MTA1: variants seen among roughly 807,000 people sequenced by gnomAD.
MTA1 encodes the protein metastasis associated 1, also known as metastasis-associated protein MTA1.
Under a neutral mutation model 97.0 loss-of-function variants are expected in MTA1, and 15 were observed. That is an observed-to-expected ratio of 0.15 (90% CI 0.10 to 0.24). MTA1 has a LOEUF of 0.24. Among genes scored for constraint, MTA1 ranks in the 10% least tolerant of loss-of-function variants. MTA1 has a pLI of 1.00. For missense variants in MTA1, 709 were observed against 1,015.1 expected (o/e 0.70, Z 4.10); for synonymous variants, 435 against 417.5 (o/e 1.04, Z -0.51).
At chr14:105,447,401 A>G (rs1321171861) in intron 3 of MTA1, among the ~76,000 whole-genome samples, 1 of 152,130 alleles carries the variant, frequency 6.6e-6, no homozygotes, top group Non-Finnish European at 1.5e-5. Flanking sequence ...GAGAGCCTGT[A>G]TCAGTGGTTT....
At chr14:105,466,179 T>C in intron 16 of MTA1, 2 of 558,768 alleles carry the variant, frequency 3.6e-6, no homozygotes, top group East Asian at 6.2e-5. Flanking sequence ...CCAGGTGGTC[T>C]CCCTGCTCTC....
chr14:105,424,095 A>T lies in MTA1; in HGVS notation c.28+4032A>T, dbSNP rs2081936039. On this transcript the variant is annotated intron_variant, in intron 1 of 20. Transcript: ENST00000331320. This position sits in a 1 kb window ranked among gnomAD's most constrained non-coding sequence, Gnocchi z 4.0. Reference sequence around the variant, plus strand: ...GGGCTGTCCCACTTGGCCTGTGAGGATCGGCCTCAGCACTGCGCCATTGGC... The same window carrying T: ...GGGCTGTCCCACTTGGCCTGTGAGGTTCGGCCTCAGCACTGCGCCATTGGC... Among the ~76,000 whole-genome samples, 2 of 152,242 alleles carry T rather than the reference A, an allele frequency of 1.3e-5. No individual in the cohort carries two copies. The highest frequency in any genetic ancestry group is 4.8e-5 in the African/African-American group (2 of 41,468).
At chr14:105,435,269 T>G (rs587752880) in intron 1 of MTA1, among the ~76,000 whole-genome samples, 1 of 152,126 alleles carries the variant, frequency 6.6e-6, no homozygotes, top group Non-Finnish European at 1.5e-5. Flanking sequence ...GCTACACTGG[T>G]TTTTGAATGT....
intron 15 of MTA1, 23 bp from the exon 16 acceptor site, chr14:105,465,071 T>G (rs904959354): frequency 6.7e-7 from 1 of 1,491,722 alleles, no homozygotes; most frequent in Admixed American, 2.2e-5. Context: ...GCCCCACCCC[T>G]CACACCGTGT....
Position 105,463,588 on chromosome 14 carries a change from C to A in MTA1, c.1076+37C>A. The stretch of plus-strand genomic sequence containing the variant: ...CTCACAGCCGTCGTCCTCGTGGCCC[C>A]GGGGGCCAGGGAGGGTGGGCACAGG... On this transcript the variant is annotated intron_variant, in intron 12 of 20. Coordinates refer to ENST00000331320, the MANE Select transcript of MTA1 (RefSeq NM_004689.4). This position sits in a 1 kb window ranked among gnomAD's most constrained non-coding sequence, Gnocchi z 5.9. 1 of 1,605,502 alleles carries A rather than the reference C, an allele frequency of 6.2e-7. No homozygotes were observed. Among genetic ancestry groups the A allele is most frequent in the Non-Finnish European group, 8.5e-7 (1 of 1,173,590 alleles).
In MTA1 at chr14:105,424,344, C is replaced by T. The variant is rs149047099; in HGVS notation, c.28+4281C>T. ...AAGTAGCTGGGACTACAGGCGCCCG[C>T]CACCATGCCTGGCTAATGTTTTGTA... On this transcript the variant is annotated intron_variant, in intron 1 of 20. Coordinates refer to ENST00000331320, the MANE Select transcript of MTA1 (RefSeq NM_004689.4). This position sits in a 1 kb window ranked among gnomAD's most constrained non-coding sequence, Gnocchi z 4.0. Among the ~76,000 whole-genome samples, 3,418 of 152,262 alleles carry T rather than the reference C, an allele frequency of 0.022. 138 individuals carry two copies. Among genetic ancestry groups the T allele is most frequent in the African/African-American group, 0.077 (3,207 of 41,548 alleles).
chr14:105,434,272 A>G (rs2082265797), intron 1 of MTA1, among the ~76,000 whole-genome samples: 1 of 152,038 alleles, frequency 6.6e-6, no homozygotes, highest in Non-Finnish European at 1.5e-5. Context: ...AACCCTTGAC[A>G]CCTTATCTGT....
chr14:105,455,546 TC>T (rs1285915922), intron 7 of MTA1, among the ~76,000 whole-genome samples: 1 of 152,148 alleles, frequency 6.6e-6, no homozygotes, highest in Non-Finnish European at 1.5e-5. Context: ...TTCGTGCTTG[TC>T]CTGTTTTGGT....
rs1042277278 is a variant in MTA1 at position 105,466,239 on chromosome 14, C to A, written c.1625-187C>A. 22 of 596,204 alleles carry A rather than the reference C, an allele frequency of 3.7e-5. No individual in the cohort carries two copies. The African/African-American group carries it at 4.2e-4, about 11-fold the overall frequency. The allele number at this position is 596,204 out of a possible 1,614,324, so 36.9% of individuals were successfully genotyped here. On this transcript the variant is annotated intron_variant, in intron 16 of 20. Transcript: ENST00000331320. Reference sequence around the variant, plus strand: ...GCCCGGGCACACGCCTTGCCGAGGGCTTCTGGGCTTCTGGTTCTGTGGTGA... The same window carrying A: ...GCCCGGGCACACGCCTTGCCGAGGGATTCTGGGCTTCTGGTTCTGTGGTGA...
intron 1 of MTA1, among the ~76,000 whole-genome samples, chr14:105,421,866 G>T (rs2081848229): frequency 6.6e-6 from 1 of 152,248 alleles, no homozygotes; most frequent in Non-Finnish European, 1.5e-5. Context: ...GTCCCCCTGT[G>T]CCCGCAGGCC....
chr14:105,425,279 A>G (rs1163516502), intron 1 of MTA1, among the ~76,000 whole-genome samples: 1 of 152,028 alleles, frequency 6.6e-6, no homozygotes, highest in East Asian at 1.9e-4. Context: ...TCTTGGGAGC[A>G]TGTAATTATG....
At position 105,449,374 on chromosome 14, in the gene MTA1, A is replaced by T; in HGVS notation, c.206A>T (p.Tyr69Phe). ...TGTTATATAGCCCTGTCAGTCTGCT[A>T]TAAGGCCGGACCGGGGGCGGACAAC... ...ADKHATLSVC[Y>F]KAGPGADNGE... The change falls in exon 4 of 21, where the codon TAT (tyrosine) becomes TTT (phenylalanine). Residue 69 changes from tyrosine to phenylalanine, a missense_variant. By Grantham distance (22) the Tyr-to-Phe change is conservative. Around this residue, in one of 2 missense-constraint regions of MTA1, gnomAD observed 321 missense variants for 593.5 expected, o/e 0.54. Coordinates refer to ENST00000331320, the MANE Select transcript of MTA1 (RefSeq NM_004689.4). The T allele has an allele frequency of 6.2e-7, 1 of 1,612,492 alleles. No individual in the cohort carries two copies.
chr14:105,470,395 G>GAGAATGCC lies in MTA1; in HGVS notation c.*181_*188dup. On this transcript the variant is annotated 3_prime_UTR_variant, in exon 21 of 21. Transcript: ENST00000331320. ...GGAAGAAGCGCGGCTAACTTATTCC[G>GAGAATGCC]AGAATGCCGAGGAGTTGTCGTTTTT... 1.9e-6 allele frequency: 1 copy of GAGAATGCC among 539,084 alleles called. No homozygotes were observed. Among genetic ancestry groups the GAGAATGCC allele is most frequent in the Non-Finnish European group, 3.1e-6 (1 of 327,076 alleles). The allele number at this position is 539,084 out of a possible 1,614,324, so 33.4% of individuals were successfully genotyped here.
rs1555421693 is a variant in MTA1 at position 105,424,259 on chromosome 14, A to G, written c.28+4196A>G. ...CCCCAGGCTGGAGTGCAGTAGCGCA[A>G]TCTGGGCTCACTGCAAGTCCGCCTC... On this transcript the variant is annotated intron_variant, in intron 1 of 20. Coordinates refer to ENST00000331320, the MANE Select transcript of MTA1 (RefSeq NM_004689.4). The surrounding 1 kb of genome is among the most constrained non-coding windows in gnomAD (Gnocchi z 4.0). Among the ~76,000 whole-genome samples, 1 of 152,174 alleles carries G rather than the reference A, an allele frequency of 6.6e-6. No homozygotes were observed. Among genetic ancestry groups the G allele is most frequent in the African/African-American group, 2.4e-5 (1 of 41,434 alleles).
intron 3 of MTA1, among the ~76,000 whole-genome samples, chr14:105,446,353 G>C (rs75724454): frequency 0.041 from 6,310 of 152,330 alleles, 172 homozygotes; most frequent in Non-Finnish European, 0.065. Flanking sequence ...GTGGTCTGTA[G>C]GGTGACATTT....
intron 7 of MTA1, among the ~76,000 whole-genome samples, chr14:105,455,840 G>A (rs1555429771): frequency 6.6e-6 from 1 of 152,214 alleles, no homozygotes; most frequent in Non-Finnish European, 1.5e-5. Flanking sequence ...AGGCAGACAG[G>A]GCACATTGAG....
chr14:105,469,225 C>A, intron 18 of MTA1: 1 of 611,706 alleles, frequency 1.6e-6, no homozygotes, highest in East Asian at 2.9e-5. Flanking sequence ...GGCTCCTGGC[C>A]TCCTGCCTGG....
intron 1 of MTA1, among the ~76,000 whole-genome samples, chr14:105,437,644 G>A (rs2082373834): frequency 6.6e-6 from 1 of 152,222 alleles, no homozygotes; most frequent in Non-Finnish European, 1.5e-5. Context: ...GGGCTTCTTT[G>A]GTGCTGGTCT....
Position 105,470,283 on chromosome 14 carries a change from G to T in MTA1, c.*68G>T, listed in dbSNP as rs1446118430. The T allele has an allele frequency of 1.7e-6, 2 of 1,158,220 alleles. No homozygotes were observed. The highest frequency in any genetic ancestry group is 3.2e-5 in the African/African-American group (1 of 31,596). 71.7% of individuals were successfully genotyped at this position (1,158,220 alleles called of 1,614,324 possible). On this transcript the variant is annotated 3_prime_UTR_variant, in exon 21 of 21. Coordinates refer to ENST00000331320, the MANE Select transcript of MTA1 (RefSeq NM_004689.4). The stretch of plus-strand genomic sequence containing the variant: ...CACACGGCCCCTTCCCAGCCAGCCC[G>T]CCGCCCGCCCCTCAGTTTGGTAGTG...
Sources: gnomAD v4.1 joint callset for allele counts (sites outside exome capture counted in the v4.1 genomes callset) on GRCh38, gnomAD v4.1.1 for gene constraint, gnomAD v4.1.1 regional missense constraint, Gnocchi (gnomAD v3.1) non-coding constraint, MANE v1.5 for transcripts, NCBI Gene and HGNC (gene_info 2026-07-23, HGNC 2026-07-21) for gene names.